The following EHD4 variants were observed in gnomAD, a reference collection of about 807,000 sequenced individuals.
EHD4 encodes EH domain-containing protein 4.
EHD4 carries 37 observed loss-of-function variants against 51.0 expected under a neutral mutation model. The ratio of observed to expected loss-of-function variants is 0.73; its 90% CI spans 0.56 to 0.95. The LOEUF (loss-of-function observed/expected upper bound fraction) is 0.95, where lower values mean the gene tolerates loss of function less well. EHD4 is among the 40% of genes least tolerant of loss of function. The pLI is 0.00. For missense variants in EHD4, 632 were observed against 733.1 expected (o/e 0.86, Z 1.59); for synonymous variants, 297 against 317.3 (o/e 0.94, Z 0.68).
At chr15:41,910,755 G>A (rs1344374511) in intron 4 of EHD4, among the ~76,000 whole-genome samples, 1 of 152,100 alleles carries the variant, frequency 6.6e-6, no homozygotes, top group Non-Finnish European at 1.5e-5. Context: ...TTTTAGTAGA[G>A]ACGGGGTTTC....
chr15:41,938,962 T>C (rs750366939), intron 3 of EHD4, among the ~76,000 whole-genome samples: 15 of 152,222 alleles, frequency 9.9e-5, no homozygotes, highest in Non-Finnish European at 1.6e-4. Flanking sequence ...TATGTTTAGG[T>C]TCAGCATGGA....
chr15:41,934,274 C>T (rs992241117), intron 3 of EHD4, among the ~76,000 whole-genome samples: 11 of 151,544 alleles, frequency 7.3e-5, no homozygotes, highest in African/African-American at 2.2e-4. Flanking sequence ...ACCCTCTGGA[C>T]CCTGCCCAGA....
Position 41,907,821 on chromosome 15 carries a change from GCT to G in EHD4, c.1089+1876_1089+1877del, listed in dbSNP as rs202239761. Among the ~76,000 whole-genome samples the G allele has an allele frequency of 8.7e-3, 1,134 of 130,884 alleles. 19 individuals are homozygous for G. Among genetic ancestry groups the G allele is most frequent in the African/African-American group, 0.026 (953 of 36,628 alleles). 85.9% of individuals were successfully genotyped at this position (130,884 alleles called of 152,430 possible). On this transcript the variant is annotated intron_variant, in intron 5 of 5. Coordinates refer to ENST00000220325, the MANE Select transcript of EHD4 (RefSeq NM_139265.4). Reference sequence around the variant, plus strand: ...TACAGGTGTGAGCCACTGCGCCCAGGCTCTGTGTGTGTGTGTGTGTGTGTGTG... The same window carrying G: ...TACAGGTGTGAGCCACTGCGCCCAGGCTGTGTGTGTGTGTGTGTGTGTGTG...
rs534233480 is a variant in EHD4 at position 41,925,366 on chromosome 15, A to G, written c.512-5744T>C. On this transcript the variant is annotated intron_variant, in intron 3 of 5. Coordinates refer to ENST00000220325, the MANE Select transcript of EHD4 (RefSeq NM_139265.4). ...TGCATCCTGCTTTCTGGCCAAGGTG[A>G]TGAAAACCTCTCATGGTGACAGAAC... 3.9e-5 allele frequency among the ~76,000 whole-genome samples: 6 copies of G among 152,310 alleles called. No homozygotes were observed. In the East Asian group the frequency reaches 9.6e-4, roughly 24 times the overall value.
intron 4 of EHD4, among the ~76,000 whole-genome samples, chr15:41,911,448 C>T (rs2067548615): frequency 6.6e-6 from 1 of 151,122 alleles, no homozygotes; most frequent in South Asian, 2.1e-4. Flanking sequence ...ATACCAACTC[C>T]TTTGCCTCCG....
At chr15:41,939,477 A>C (rs1478066117) in intron 3 of EHD4, among the ~76,000 whole-genome samples, 2 of 150,880 alleles carry the variant, frequency 1.3e-5, no homozygotes, top group Non-Finnish European at 2.9e-5. Flanking sequence ...GGTGGATCAC[A>C]CCTGAGGTCA....
At chr15:41,904,723 C>G (rs1398911775) in intron 5 of EHD4, among the ~76,000 whole-genome samples, 1 of 152,230 alleles carries the variant, frequency 6.6e-6, no homozygotes, top group Non-Finnish European at 1.5e-5. Flanking sequence ...GAAATGCTGC[C>G]AACTCATGAG....
At chr15:41,959,961 C>CAAAAAA (rs575509600) in intron 1 of EHD4, among the ~76,000 whole-genome samples, 5 of 58,028 alleles carry the variant, frequency 8.6e-5, no homozygotes, top group Non-Finnish European at 7.4e-5. Flanking sequence ...GACTCCACCT[C>CAAAAAA]AAAAAAAAAA....
rs755191188 is a variant in EHD4, at chr15:41,901,035, C to A, written c.1236G>T (p.Val412=). ...TGGTGCCATCGAAGGCGCCGCCCTG[C>A]ACCAGCTGCGTGGGCGTGCTCGTCT... ...QEETSTPTQL[V]QGGAFDGTTE... Residue 412 remains valine, a synonymous_variant, in exon 6 of 6, where the codon GTG becomes GTT. Transcript: ENST00000220325. 1.2e-6 allele frequency: 2 copies of A among 1,611,642 alleles called. No individual in the cohort carries two copies. The highest frequency in any genetic ancestry group is 2.7e-5 in the African/African-American group (2 of 74,924).
chr15:41,924,028 T>C (rs913017152), intron 3 of EHD4, among the ~76,000 whole-genome samples: 3 of 152,232 alleles, frequency 2.0e-5, no homozygotes, highest in Non-Finnish European at 4.4e-5. Context: ...TTTTTTCACC[T>C]GTAAGATCGG....
At chr15:41,951,799 C>T (rs1559882) in intron 2 of EHD4, among the ~76,000 whole-genome samples, 5,795 of 152,300 alleles carry the variant, frequency 0.038, 357 homozygotes, top group African/African-American at 0.13. Context: ...GGGGTTCTCC[C>T]GCCCAGGGCT....
intron 3 of EHD4, among the ~76,000 whole-genome samples, chr15:41,922,689 C>T (rs2067634889): frequency 6.6e-6 from 1 of 152,160 alleles, no homozygotes; most frequent in African/African-American, 2.4e-5. Flanking sequence ...ATTTAAGCAT[C>T]TTTAAAAAAG....
At chr15:41,931,961 C>T (rs1345052778) in intron 3 of EHD4, among the ~76,000 whole-genome samples, 2 of 151,998 alleles carry the variant, frequency 1.3e-5, no homozygotes, top group East Asian at 1.9e-4. Context: ...AGGTGTGAGC[C>T]GCCGCGCCCA....
At chr15:41,948,845 A>G (rs2141002348) in intron 2 of EHD4, among the ~76,000 whole-genome samples, 1 of 151,732 alleles carries the variant, frequency 6.6e-6, no homozygotes, top group Non-Finnish European at 1.5e-5. Flanking sequence ...CCTGGCCAAT[A>G]TGGCAAAACC....
At chr15:41,909,574 A>G in intron 5 of EHD4, 125 bp downstream of exon 5, 5 of 1,121,320 alleles carry the variant, frequency 4.5e-6, no homozygotes, top group Non-Finnish European at 6.5e-6. Flanking sequence ...ATGGATCACC[A>G]TTAGGAAGAT....
intron 1 of EHD4, among the ~76,000 whole-genome samples, chr15:41,971,691 G>A (rs923290414): frequency 2.0e-5 from 3 of 152,206 alleles, no homozygotes; most frequent in African/African-American, 4.8e-5. Context: ...TCCTACGGGC[G>A]GCTAAAGGCG....
chr15:41,933,146 C>T (rs942578325), intron 3 of EHD4, among the ~76,000 whole-genome samples: 1 of 152,236 alleles, frequency 6.6e-6, no homozygotes, highest in Non-Finnish European at 1.5e-5. Context: ...TGCATCTCCC[C>T]ACCTCCCTCT....
rs768061598 is a variant in EHD4 at position 41,919,507 on chromosome 15, G to T, written c.627C>A (p.Ala209=). ...GGATCTTGTCGTCCTGGCCCCGGAA[G>T]GCCTTGATGGCCTCTGAGAATTCAT... ...ISDEFSEAIK[A]FRGQDDKIRV... The change falls in exon 4 of 6, where the codon GCC becomes GCA. Residue 209 remains alanine (A), a synonymous_variant. Coordinates refer to ENST00000220325, the MANE Select transcript of EHD4 (RefSeq NM_139265.4). 1 of 1,547,766 alleles carries T rather than the reference G, an allele frequency of 6.5e-7. No individual in the cohort carries two copies.
chr15:41,918,242 A>ACACACACACACGCG (rs1347109024), intron 4 of EHD4, among the ~76,000 whole-genome samples: 112 of 130,558 alleles, frequency 8.6e-4, no homozygotes, highest in African/African-American at 3.0e-3. Context: ...ACACACACAC[A>ACACACACACACGCG]CGCGCATGTT....
Sources: allele counts gnomAD v4.1 joint callset (sites outside exome capture counted in the v4.1 genomes callset), GRCh38; gene constraint gnomAD v4.1.1; transcripts MANE v1.5; gene names NCBI Gene and HGNC (gene_info 2026-07-23, HGNC 2026-07-21).